The following GOSR2 variants were observed in gnomAD, a reference collection of about 807,000 sequenced individuals.
GOSR2 encodes the protein golgi SNAP receptor complex member 2, also known as 27 kDa Golgi SNARE protein.
GOSR2 carries 20 observed loss-of-function variants against 27.9 expected under a neutral mutation model. That is an observed-to-expected ratio of 0.72 (90% confidence interval 0.50 to 1.04). The LOEUF is 1.04. Ranked by LOEUF, GOSR2 falls within the 50% of genes least tolerant of loss-of-function variation. The pLI is 0.00. For missense variants in GOSR2, 261 were observed against 270.5 expected (o/e 0.97, Z 0.25); for synonymous variants, 91 against 98.8 (o/e 0.92, Z 0.47).
At chr17:46,956,308 G>GAGAC (rs2090711802) in intron 6 of GOSR2, among the ~76,000 whole-genome samples, 1 of 34,544 alleles carries the variant, frequency 2.9e-5, no homozygotes, top group Non-Finnish European at 5.2e-5. Context: ...TTTTTTTTTT[G>GAGAC]AGACAGAGTT....
intron 6 of GOSR2, among the ~76,000 whole-genome samples, chr17:46,951,395 A>G (rs560224776): frequency 6.6e-6 from 1 of 151,614 alleles, no homozygotes; most frequent in Admixed American, 6.6e-5. Context: ...AAAGATTCCC[A>G]CCCCAGCTTT....
At chr17:46,934,014 G>A (rs1831366068) in intron 4 of GOSR2, among the ~76,000 whole-genome samples, 1 of 152,022 alleles carries the variant, frequency 6.6e-6, no homozygotes, top group Admixed American at 6.5e-5. Flanking sequence ...GAAAAGAGAA[G>A]GGAACGCTCT....
intron 4 of GOSR2, among the ~76,000 whole-genome samples, chr17:46,933,915 C>G (rs770034230): frequency 6.7e-6 from 1 of 149,840 alleles, no homozygotes; most frequent in Non-Finnish European, 1.5e-5. Flanking sequence ...GCTCTCTATC[C>G]TGGGTGACAG....
At chr17:46,975,638 C>T (rs1280918430), downstream of GOSR2, 1 of 152,432 alleles carries the variant, frequency 6.6e-6, no homozygotes, top group South Asian at 2.1e-4. Context: ...TGTCTTCCTC[C>T]TGAGGCACAA....
chr17:46,942,548 G>A (rs964817068), downstream of GOSR2, among the ~76,000 whole-genome samples: 7 of 152,200 alleles, frequency 4.6e-5, no homozygotes, highest in African/African-American at 1.4e-4. Context: ...GTGTGCAGGG[G>A]ACTGAGATGG....
chr17:46,925,561 A>C lies in GOSR2; in HGVS notation c.29+2340A>C, dbSNP rs1231034606. Among the ~76,000 whole-genome samples, 3 of 152,318 alleles carry C rather than the reference A, an allele frequency of 2.0e-5. No individual in the cohort carries two copies. In the East Asian group the frequency reaches 5.8e-4, roughly 29 times the overall value. On this transcript the variant is annotated intron_variant, in intron 1 of 5. Transcript: ENST00000640051. ...TGATATTATAATTTGGGCTGGTTAA[A>C]CTGTAAGGCTCCTTTCAGTTCCATG... is the stretch of plus-strand genomic sequence containing the variant.
In GOSR2 at chr17:46,940,041, C is replaced by T. The variant is rs2089037062; in HGVS notation, c.*1281C>T. ...TTAACCCTACCTTTGGTTGTCCTGC[C>T]CTACCTGCTCTGTTAGTTTCTTGTT... is the stretch of plus-strand genomic sequence containing the variant. On this transcript the variant is annotated 3_prime_UTR_variant, in exon 6 of 6. Transcript: ENST00000640051. The T allele has an allele frequency of 1.9e-6, 2 of 1,059,328 alleles. No homozygotes were observed. Among genetic ancestry groups the T allele is most frequent in the African/African-American group, 3.3e-5 (2 of 60,178 alleles). 65.6% of individuals were successfully genotyped at this position (1,059,328 alleles called of 1,614,324 possible).
At chr17:46,936,689 A>C (rs1187878050) in intron 5 of GOSR2, 1 of 985,042 alleles carries the variant, frequency 1.0e-6, no homozygotes, top group Non-Finnish European at 1.2e-6. Context: ...TAGAAGGTTG[A>C]TCCTTAGCCT....
chr17:46,951,897 C>G (rs976601622), intron 6 of GOSR2, among the ~76,000 whole-genome samples: 2 of 152,156 alleles, frequency 1.3e-5, no homozygotes, highest in Admixed American at 6.5e-5. Context: ...TTCTCCCCCC[C>G]AGACATCACC....
At chr17:46,952,537 A>G (rs1300356364) in intron 6 of GOSR2, 1 of 152,192 alleles carries the variant, frequency 6.6e-6, no homozygotes, top group African/African-American at 2.4e-5. Flanking sequence ...CTGGTCAATA[A>G]GATATGGGCA....
chr17:46,944,617 T>C (rs2089671832), downstream of GOSR2, among the ~76,000 whole-genome samples: 1 of 151,706 alleles, frequency 6.6e-6, no homozygotes, highest in Non-Finnish European at 1.5e-5. Context: ...TTTCTTTTTT[T>C]TTTTTTTCCT....
chr17:46,974,424 G>A (rs2091425117), intron 6 of GOSR2, among the ~76,000 whole-genome samples: 1 of 152,208 alleles, frequency 6.6e-6, no homozygotes, highest in East Asian at 1.9e-4. Context: ...TCTTACCAAT[G>A]TGTTGTGGGG....
chr17:46,968,716 ACAATGG>A (rs774718699), downstream of GOSR2: 2 of 152,518 alleles, frequency 1.3e-5, no homozygotes, highest in African/African-American at 2.4e-5. Context: ...CAGCACCTCT[ACAATGG>A]CCATGCAGAT....
At position 46,938,941 on chromosome 17, in the gene GOSR2, G is replaced by C; in HGVS notation, c.*181G>C. 1 of 1,496,584 alleles carries C rather than the reference G, an allele frequency of 6.7e-7. No homozygotes were observed. Among genetic ancestry groups the C allele is most frequent in the Non-Finnish European group, 8.9e-7 (1 of 1,122,144 alleles). The allele number at this position is 1,496,584 out of a possible 1,614,324, so 92.7% of individuals were successfully genotyped here. On this transcript the variant is annotated 3_prime_UTR_variant, in exon 6 of 6. Transcript: ENST00000640051. Reference sequence around the variant, plus strand: ...CTCTGTTTTCTGTGACATCTTGGAGGGGGAGCTAGTGCCACCACCATGCGC... The same window carrying C: ...CTCTGTTTTCTGTGACATCTTGGAGCGGGAGCTAGTGCCACCACCATGCGC...
In GOSR2 at chr17:46,938,784, C is replaced by T. The variant is rs747240567; in HGVS notation, c.*24C>T. ...GAGCCAGCCACGCTCAGTGGCTGAA[C>T]AGCATTCCCACAGCCTGCAAGTGTG... On this transcript the variant is annotated 3_prime_UTR_variant, in exon 6 of 6. Coordinates refer to ENST00000640051, the MANE Select transcript of GOSR2 (RefSeq NM_004287.5). 1.5e-5 allele frequency: 24 copies of T among 1,613,254 alleles called. No homozygotes were observed. Among genetic ancestry groups the T allele is most frequent in the Non-Finnish European group, 1.9e-5 (22 of 1,179,938 alleles).
intron 3 of GOSR2, 136 bp from the exon 4 acceptor site, chr17:46,931,931 G>A (rs1032637762): frequency 2.2e-5 from 17 of 774,052 alleles, no homozygotes; most frequent in Admixed American, 7.3e-5. Flanking sequence ...ATTAGATCTT[G>A]TGGTGAGGGG....
chr17:46,935,200 G>A (rs1226699888), intron 5 of GOSR2, 31 bp downstream of exon 5: 3 of 1,612,782 alleles, frequency 1.9e-6, no homozygotes, highest in Non-Finnish European at 2.5e-6. Flanking sequence ...CAGAGAGAAG[G>A]CCTCTTGTTT....
intron 6 of GOSR2, chr17:46,965,024 A>C (rs1480875788): frequency 1.3e-5 from 2 of 152,168 alleles, no homozygotes; most frequent in Non-Finnish European, 2.9e-5. Context: ...AATTCACTGG[A>C]GTTTTTCACC....
At chr17:46,927,850 C>T (rs2086719609) in intron 1 of GOSR2, among the ~76,000 whole-genome samples, 1 of 152,134 alleles carries the variant, frequency 6.6e-6, no homozygotes, top group South Asian at 2.1e-4. Flanking sequence ...TACCTCCCCC[C>T]TTTTTATTAT....
Sources: gnomAD v4.1 joint callset for allele counts (sites outside exome capture counted in the v4.1 genomes callset) on GRCh38, gnomAD v4.1.1 for gene constraint, MANE v1.5 for transcripts, NCBI Gene and HGNC (gene_info 2026-07-23, HGNC 2026-07-21) for gene names.